PEX5L: variants seen among roughly 807,000 people sequenced by gnomAD.
PEX5L encodes peroxisomal biogenesis factor 5 like.
In PEX5L, 30 loss-of-function variants were observed where a neutral mutation model predicts 84.0. The observed-to-expected ratio is 0.36, with a 90% confidence interval of 0.27 to 0.48. The LOEUF is 0.48. PEX5L is among the 20% of genes least tolerant of loss of function. The pLI, the probability that PEX5L is intolerant of heterozygous loss-of-function variation, is 0.99. For synonymous variants in PEX5L, 270 were observed against 283.1 expected (o/e 0.95, Z 0.46); for missense variants, 533 against 754.6 (o/e 0.71, Z 3.44).
intron 8 of PEX5L, among the ~76,000 whole-genome samples, chr3:179,834,150 T>C (rs763518679): frequency 3.3e-5 from 5 of 152,248 alleles, no homozygotes; most frequent in Admixed American, 6.5e-5. Context: ...CAAATACAGA[T>C]TTTCAACATT....
intron 5 of PEX5L, among the ~76,000 whole-genome samples, chr3:179,879,584 A>G (rs749300365): frequency 3.9e-5 from 6 of 152,110 alleles, no homozygotes; most frequent in Non-Finnish European, 8.8e-5. Context: ...AGAGTTCGTT[A>G]CTCACAAGTC....
At chr3:179,856,946 C>T (rs1282792447) in intron 8 of PEX5L, among the ~76,000 whole-genome samples, 2 of 152,148 alleles carry the variant, frequency 1.3e-5, no homozygotes, top group African/African-American at 4.8e-5. Flanking sequence ...AGTGGTTTGT[C>T]CAAATTGGTC....
chr3:179,884,051 T>C (rs955462812), intron 4 of PEX5L, among the ~76,000 whole-genome samples: 3 of 152,218 alleles, frequency 2.0e-5, no homozygotes, highest in Admixed American at 2.0e-4. Flanking sequence ...TTTCCTTACT[T>C]AGTCTACATA....
At chr3:179,853,163 G>A (rs1236998900) in intron 8 of PEX5L, among the ~76,000 whole-genome samples, 1 of 152,142 alleles carries the variant, frequency 6.6e-6, no homozygotes, top group Non-Finnish European at 1.5e-5. Context: ...GTATTTGTCT[G>A]TGATTCTTCA....
chr3:179,961,882 C>T (rs909252101), intron 2 of PEX5L, among the ~76,000 whole-genome samples: 1 of 152,136 alleles, frequency 6.6e-6, no homozygotes, highest in African/African-American at 2.4e-5. Flanking sequence ...ACTGTCGATA[C>T]GGTTCACAAT....
intron 2 of PEX5L, among the ~76,000 whole-genome samples, chr3:179,936,285 T>C (rs1460681560): frequency 1.3e-5 from 2 of 152,204 alleles, no homozygotes; most frequent in Admixed American, 1.3e-4. Context: ...CAATGTACTT[T>C]ATTTTTCAAG....
intron 2 of PEX5L, among the ~76,000 whole-genome samples, chr3:179,965,557 T>C (rs1026904632): frequency 6.6e-6 from 1 of 152,216 alleles, no homozygotes; most frequent in Non-Finnish European, 1.5e-5. Flanking sequence ...TGTGCCGCTC[T>C]ATGACACGTG....
In PEX5L at chr3:179,801,974, G is replaced by A; in HGVS notation, c.1735C>T (p.Gln579Ter). The change falls in exon 15 of 15, where the codon CAG (glutamine) becomes TAG (stop). Residue 579 changes from glutamine (Q) to a stop codon, truncating the protein, a stop_gained. Coordinates refer to ENST00000467460, the MANE Select transcript of PEX5L (RefSeq NM_016559.3). LOFTEE classifies it high-confidence loss of function. ...LSLQRKSRNQ[Q>*]QVPHPAISGN... is the part of the protein sequence containing the mutation. ...GAGATTGCAGGATGAGGAACTTGCT[G>A]CTGATTCCTGCTCTTTCTTTGCAAA... 6.2e-7 allele frequency: 1 copy of A among 1,613,898 alleles called. No individual in the cohort carries two copies. Among genetic ancestry groups the A allele is most frequent in the Non-Finnish European group, 8.5e-7 (1 of 1,179,858 alleles).
intron 11 of PEX5L, among the ~76,000 whole-genome samples, 197 bp from the exon 12 acceptor site, chr3:179,809,865 T>C (rs964614063): frequency 5.9e-5 from 9 of 152,072 alleles, no homozygotes; most frequent in Non-Finnish European, 1.2e-4. Context: ...AAGTTAAAAC[T>C]TACCCTAATG....
intron 1 of PEX5L, among the ~76,000 whole-genome samples, chr3:180,030,043 T>C (rs572205081): frequency 1.3e-5 from 2 of 152,290 alleles, no homozygotes; most frequent in Non-Finnish European, 2.9e-5. Context: ...CTGTTTCTGA[T>C]CACTTTTCAT....
chr3:179,897,203 G>A (rs571638612), intron 3 of PEX5L, among the ~76,000 whole-genome samples: 1 of 152,232 alleles, frequency 6.6e-6, no homozygotes, highest in African/African-American at 2.4e-5. Flanking sequence ...CATGAGGACT[G>A]TAAATGGACA....
intron 1 of PEX5L, among the ~76,000 whole-genome samples, chr3:179,995,437 T>C (rs1214977739): frequency 7.2e-5 from 11 of 151,968 alleles, no homozygotes. Flanking sequence ...CTTCTAATAA[T>C]ATGGAGAACA....
chr3:180,005,259 TA>T (rs1209718860), intron 1 of PEX5L, among the ~76,000 whole-genome samples: 1 of 150,734 alleles, frequency 6.6e-6, no homozygotes, highest in Non-Finnish European at 1.5e-5. Flanking sequence ...AAAAAGTTTT[TA>T]TTTTTTTTTG....
chr3:179,797,932 T>G lies in PEX5L; in HGVS notation c.*3896A>C, dbSNP rs1717692576. The stretch of plus-strand genomic sequence containing the variant: ...GTACAGTCCAATCTTGGGGAACTGA[T>G]TCAGGGCAAATGAGGAAGGGTCTCA... On this transcript the variant is annotated 3_prime_UTR_variant, in exon 15 of 15. Coordinates refer to ENST00000467460, the MANE Select transcript of PEX5L (RefSeq NM_016559.3). 1 of 152,136 alleles carries G rather than the reference T, an allele frequency of 6.6e-6. No individual in the cohort carries two copies. The highest frequency in any genetic ancestry group is 1.5e-5 in the Non-Finnish European group (1 of 68,018). 9.4% of individuals were successfully genotyped at this position (152,136 alleles called of 1,614,324 possible). A position where few individuals can be genotyped will look rare whatever the true frequency, so the allele number is the denominator to read the frequency against.
intron 1 of PEX5L, among the ~76,000 whole-genome samples, chr3:179,998,648 T>A (rs1350302032): frequency 2.3e-4 from 35 of 152,226 alleles, no homozygotes; most frequent in Non-Finnish European, 1.5e-5. Context: ...TGACCTGAAC[T>A]GCCTATCATG....
chr3:180,024,349 T>C (rs1475132084), intron 1 of PEX5L, among the ~76,000 whole-genome samples: 3 of 74,964 alleles, frequency 4.0e-5, no homozygotes, highest in Non-Finnish European at 7.1e-5. Context: ...CCCTACTAAA[T>C]ATATATATAT....
At chr3:180,023,771 CAG>C (rs139045124) in intron 1 of PEX5L, among the ~76,000 whole-genome samples, 2,797 of 101,374 alleles carry the variant, frequency 0.028, 36 homozygotes, top group African/African-American at 0.086. Flanking sequence ...CGCACACACA[CAG>C]AGAGAGAGAG....
intron 4 of PEX5L, among the ~76,000 whole-genome samples, chr3:179,882,753 A>T (rs1456891532): frequency 1.3e-5 from 2 of 152,190 alleles, no homozygotes; most frequent in African/African-American, 4.8e-5. Context: ...TCCTTCAGGC[A>T]CATGAAGTTT....
rs534140142 is a variant in PEX5L at position 179,886,403 on chromosome 3, T to C, written c.310+1270A>G. On this transcript the variant is annotated intron_variant, in intron 4 of 14. Transcript: ENST00000467460. ...AGAAAATGATTGCTGTGGTGTGATATAAAAAAGTCAACGCAATTGAAAATG... is the reference window on the plus strand; with the variant it reads ...AGAAAATGATTGCTGTGGTGTGATACAAAAAAGTCAACGCAATTGAAAATG... Among the ~76,000 whole-genome samples the C allele has an allele frequency of 3.3e-5, 5 of 152,322 alleles. No individual in the cohort carries two copies. In the South Asian group the frequency reaches 1.0e-3, roughly 32 times the overall value.
Sources: gnomAD v4.1 joint callset for allele counts (sites outside exome capture counted in the v4.1 genomes callset) on GRCh38, gnomAD v4.1.1 for gene constraint, MANE v1.5 for transcripts, NCBI Gene and HGNC (gene_info 2026-07-23, HGNC 2026-07-21) for gene names.